Variants in GRID1 observed in about 807,000 individuals in gnomAD.
The protein encoded by GRID1 is glutamate ionotropic receptor delta type subunit 1.
A neutral mutation model predicts 98.0 loss-of-function variants in GRID1; 28 were observed. The observed-to-expected ratio is 0.29, with a 90% CI of 0.21 to 0.39. The LOEUF is 0.39. Among genes scored for constraint, GRID1 ranks in the 10% least tolerant of loss-of-function variants. The pLI is 1.00. For missense variants in GRID1, 1,111 were observed against 1,340.5 expected, an observed-to-expected ratio of 0.83 and a Z score of 2.67; for synonymous variants, 553 against 538.5, an observed-to-expected ratio of 1.03 and a Z score of -0.37.
At chr10:86,003,570 G>A (rs901740214) in intron 4 of GRID1, among the ~76,000 whole-genome samples, 2 of 152,202 alleles carry the variant, frequency 1.3e-5, no homozygotes, top group Admixed American at 6.5e-5. Context: ...GCAGCCACTC[G>A]TGGAGCCCAG....
At chr10:86,303,962 G>A (rs540966603) in intron 2 of GRID1, among the ~76,000 whole-genome samples, 19 of 152,322 alleles carry the variant, frequency 1.2e-4, no homozygotes, top group Admixed American at 3.3e-4. Flanking sequence ...TTTAGTCTCA[G>A]GTCATTGGTC....
chr10:86,002,016 G>A (rs148101321), intron 4 of GRID1, among the ~76,000 whole-genome samples: 5 of 152,194 alleles, frequency 3.3e-5, no homozygotes, highest in East Asian at 3.9e-4. Context: ...CTCTGTGTCC[G>A]TGTCATTACA....
chr10:86,110,569 A>C lies in GRID1; in HGVS notation c.726+28250T>G, dbSNP rs752307906. Among the ~76,000 whole-genome samples, 17 of 152,084 alleles carry C rather than the reference A, an allele frequency of 1.1e-4. 1 individual carries two copies. Among genetic ancestry groups the C allele is most frequent in the African/African-American group, 1.7e-4 (7 of 41,426 alleles). On this transcript the variant is annotated intron_variant, in intron 4 of 15. Coordinates refer to ENST00000327946, the MANE Select transcript of GRID1 (RefSeq NM_017551.3). ...TCTACCACCCAGAAGCCTGGGGCTC[A>C]CTACTGCCCTCCTTAGGCCATCACT...
Position 85,839,080 on chromosome 10 carries a change from G to A in GRID1, c.1233+15416C>T, listed in dbSNP as rs530449883. Among the ~76,000 whole-genome samples, 48 of 152,126 alleles carry A rather than the reference G, an allele frequency of 3.2e-4. No homozygotes were observed. The South Asian group carries it at 9.3e-3, about 30-fold the overall frequency. ...TGCATAATGGTAAAGTGTTCAATTC[G>A]GTGAGAAGATCTAACTATCCTAAAT... is the stretch of plus-strand genomic sequence containing the variant. On this transcript the variant is annotated intron_variant, in intron 8 of 15. Coordinates refer to ENST00000327946, the MANE Select transcript of GRID1 (RefSeq NM_017551.3).
chr10:85,657,214 C>T (rs948913083), intron 12 of GRID1, among the ~76,000 whole-genome samples: 1 of 152,174 alleles, frequency 6.6e-6, no homozygotes, highest in African/African-American at 2.4e-5. Flanking sequence ...GCACCCCTTA[C>T]ATTATATGAT....
intron 2 of GRID1, among the ~76,000 whole-genome samples, chr10:86,295,996 G>A (rs1177578756): frequency 6.6e-6 from 1 of 152,212 alleles, no homozygotes; most frequent in South Asian, 2.1e-4. Flanking sequence ...AGAGGTTTGA[G>A]GGGCTTAGCT....
At chr10:85,606,482 A>C (rs1279171402) in intron 15 of GRID1, 3 of 152,252 alleles carry the variant, frequency 2.0e-5, no homozygotes, top group Non-Finnish European at 2.9e-5. Context: ...TAACTGAATA[A>C]GAAAATGTGT....
intron 4 of GRID1, among the ~76,000 whole-genome samples, chr10:86,112,858 G>A (rs1219264483): frequency 2.0e-5 from 3 of 152,146 alleles, no homozygotes; most frequent in Non-Finnish European, 4.4e-5. Flanking sequence ...CTCACAGCCT[G>A]GGGGCTTTGG....
At chr10:85,926,673 A>G (rs1001397269) in intron 4 of GRID1, among the ~76,000 whole-genome samples, 1 of 152,146 alleles carries the variant, frequency 6.6e-6, no homozygotes, top group African/African-American at 2.4e-5. Context: ...AGCACCTGAA[A>G]AGGCCCCACC....
chr10:86,083,229 A>G (rs1844002176), intron 4 of GRID1, among the ~76,000 whole-genome samples: 1 of 152,192 alleles, frequency 6.6e-6, no homozygotes, highest in Admixed American at 6.5e-5. Context: ...AGCATCACTT[A>G]TTGGGAGATG....
chr10:85,749,761 C>T (rs956996576), intron 8 of GRID1, among the ~76,000 whole-genome samples: 32 of 152,146 alleles, frequency 2.1e-4, no homozygotes, highest in African/African-American at 7.5e-4. Context: ...TTTGTACATG[C>T]TCTCCTTCTG....
At chr10:85,794,955 AATGGCAG>A (rs1243542318) in intron 8 of GRID1, among the ~76,000 whole-genome samples, 3 of 152,184 alleles carry the variant, frequency 2.0e-5, no homozygotes, top group East Asian at 1.9e-4. Context: ...TCCAGTTGAA[AATGGCAG>A]ATGACACATT....
chr10:85,980,829 T>C (rs1166593588), intron 4 of GRID1, among the ~76,000 whole-genome samples: 1 of 152,242 alleles, frequency 6.6e-6, no homozygotes, highest in African/African-American at 2.4e-5. Context: ...CAGGAACTTA[T>C]GAGAGTCACA....
Position 86,366,513 on chromosome 10 carries a change from G to T in GRID1, c.-121C>A. The T allele has an allele frequency of 4.1e-6, 2 of 492,170 alleles. No homozygotes were observed. The highest frequency in any genetic ancestry group is 6.1e-6 in the Non-Finnish European group (2 of 326,496). The allele number at this position is 492,170 out of a possible 1,614,324, so 30.5% of individuals were successfully genotyped here. On this transcript the variant is annotated 5_prime_UTR_variant, in exon 1 of 16. Transcript: ENST00000327946. The surrounding 1 kb of genome is among the most constrained non-coding windows in gnomAD (Gnocchi z 4.1). Reference sequence around the variant, plus strand: ...CTCCCCGGGAGAGCCGAGCCCGCCCGTGCGTCTTCCCCCGCGCGCCCGCCC... The same window carrying T: ...CTCCCCGGGAGAGCCGAGCCCGCCCTTGCGTCTTCCCCCGCGCGCCCGCCC...
At chr10:85,793,882 C>G (rs778625479) in intron 8 of GRID1, among the ~76,000 whole-genome samples, 4 of 152,024 alleles carry the variant, frequency 2.6e-5, no homozygotes, top group African/African-American at 7.2e-5. Flanking sequence ...GGAATGACAA[C>G]AAGAACAAAA....
In GRID1 at chr10:86,021,228, T is replaced by A. The variant is rs532957311; in HGVS notation, c.727-104989A>T. On this transcript the variant is annotated intron_variant, in intron 4 of 15. Coordinates refer to ENST00000327946, the MANE Select transcript of GRID1 (RefSeq NM_017551.3). ...TTTTAAAAGGCATTAACTCCCTATCTGGGCTTCTCTGGGTTTCCTGGTAAG... is the reference window on the plus strand; with the variant it reads ...TTTTAAAAGGCATTAACTCCCTATCAGGGCTTCTCTGGGTTTCCTGGTAAG... Among the ~76,000 whole-genome samples, 23 of 152,314 alleles carry A rather than the reference T, an allele frequency of 1.5e-4. No individual in the cohort carries two copies. The South Asian group carries it at 4.4e-3, about 29-fold the overall frequency.
chr10:85,667,399 A>T (rs1841033899), intron 12 of GRID1, among the ~76,000 whole-genome samples: 1 of 152,196 alleles, frequency 6.6e-6, no homozygotes. Context: ...CTGTTTTAAA[A>T]AAAAAGAATA....
At chr10:85,622,971 A>G (rs1311233562) in intron 13 of GRID1, among the ~76,000 whole-genome samples, 4 of 152,196 alleles carry the variant, frequency 2.6e-5, no homozygotes, top group Non-Finnish European at 4.4e-5. Flanking sequence ...CTCCCTGTGC[A>G]TGGGGAAGAA....
At chr10:86,059,785 G>C (rs1330071017) in intron 4 of GRID1, among the ~76,000 whole-genome samples, 2 of 151,972 alleles carry the variant, frequency 1.3e-5, no homozygotes, top group Non-Finnish European at 2.9e-5. Flanking sequence ...TTACAAGCTG[G>C]GGATGTTGTT....
Sources: gnomAD v4.1 joint callset for allele counts (sites outside exome capture counted in the v4.1 genomes callset) on GRCh38, gnomAD v4.1.1 for gene constraint, Gnocchi (gnomAD v3.1) non-coding constraint, MANE v1.5 for transcripts, NCBI Gene and HGNC (gene_info 2026-07-23, HGNC 2026-07-21) for gene names.